Variants in ANP32A observed in about 807,000 individuals in gnomAD.
ANP32A encodes the protein acidic nuclear phosphoprotein 32 family member A.
Under a neutral mutation model 33.9 loss-of-function variants are expected in ANP32A, and 1 was observed. That is an observed-to-expected ratio of 0.03 (90% confidence interval 0.01 to 0.14). ANP32A has a LOEUF of 0.14. Among genes scored for constraint, ANP32A ranks in the 10% least tolerant of loss-of-function variants. ANP32A has a pLI of 1.00. For missense variants in ANP32A, 155 were observed against 306.0 expected (o/e 0.51, Z 3.68); for synonymous variants, 115 against 120.5 (o/e 0.95, Z 0.30).
In ANP32A at chr15:68,780,017, G is replaced by T. The variant is rs865921932; in HGVS notation, c.*64C>A. The T allele has an allele frequency of 1.0e-5, 15 of 1,436,408 alleles. No homozygotes were observed. Among genetic ancestry groups the T allele is most frequent in the Middle Eastern group, 4.0e-4 (2 of 5,020 alleles). 89.0% of individuals were successfully genotyped at this position (1,436,408 alleles called of 1,614,324 possible). A position where few individuals can be genotyped will look rare whatever the true frequency, so the allele number is the denominator to read the frequency against. On this transcript the variant is annotated 3_prime_UTR_variant, in exon 7 of 7. Coordinates refer to ENST00000465139, the MANE Select transcript of ANP32A (RefSeq NM_006305.4). This position sits in a 1 kb window ranked among gnomAD's most constrained non-coding sequence, Gnocchi z 4.3. Reference sequence around the variant, plus strand: ...AGGGGGCAGGATTGGAGGGGGGGGGGAGAGGGGATATGGGTAAAAACAGTC... The same window carrying T: ...AGGGGGCAGGATTGGAGGGGGGGGGTAGAGGGGATATGGGTAAAAACAGTC...
chr15:68,819,486 C>T (rs1434190199), intron 1 of ANP32A, among the ~76,000 whole-genome samples: 4 of 152,262 alleles, frequency 2.6e-5, no homozygotes, highest in Non-Finnish European at 5.9e-5. Flanking sequence ...TCAATAACGG[C>T]GGCTAGCGGG....
At chr15:68,815,364 T>TC in intron 1 of ANP32A, among the ~76,000 whole-genome samples, 1 of 152,310 alleles carries the variant, frequency 6.6e-6, no homozygotes, top group Middle Eastern at 3.4e-3. Flanking sequence ...CTAACACATT[T>TC]CCACAATTCT....
chr15:68,812,770 G>A (rs12916746), intron 1 of ANP32A, among the ~76,000 whole-genome samples: 139,552 of 152,040 alleles, frequency 0.92, 64,818 homozygotes, highest in Non-Finnish European at 0.98. Flanking sequence ...GCATGGTGTC[G>A]GTTTTTCACA....
chr15:68,805,192 A>G (rs996398960), intron 1 of ANP32A, among the ~76,000 whole-genome samples: 5 of 152,352 alleles, frequency 3.3e-5, no homozygotes, highest in South Asian at 2.1e-4. Context: ...TGGAATCCAG[A>G]AAGTACAAAT....
intron 1 of ANP32A, among the ~76,000 whole-genome samples, chr15:68,806,742 C>T (rs552932120): frequency 5.9e-5 from 9 of 152,344 alleles, no homozygotes; most frequent in Admixed American, 5.2e-4. Context: ...TCTTCAGAGA[C>T]CACAACCAGG....
chr15:68,783,048 C>T lies in ANP32A; in HGVS notation c.532G>A (p.Glu178Lys). 2.6e-6 allele frequency: 4 copies of T among 1,551,796 alleles called. No homozygotes were observed. The highest frequency in any genetic ancestry group is 3.5e-6 in the Non-Finnish European group (4 of 1,147,034). ...DDEEEDEDEE[E>K]YDEDAQVVED... ...ACTACCTGAGCATCTTCATCATACT[C>T]CTCCTCTGTGCAATCGAAATGGGGA... Residue 178 changes from glutamate to lysine, a missense_variant, in exon 5 of 7, where the codon GAG becomes AAG. Glu to Lys is a moderately conservative substitution (Grantham distance 56). Around this residue, in one of 4 missense-constraint regions of ANP32A, gnomAD observed 85 missense variants for 183.8 expected, o/e 0.46. Coordinates refer to ENST00000465139, the MANE Select transcript of ANP32A (RefSeq NM_006305.4).
rs886429858 is a variant in ANP32A at position 68,784,311 on chromosome 15, C to T, written c.526+86G>A. On this transcript the variant is annotated intron_variant, in intron 4 of 6. Transcript: ENST00000465139. ...AGCTGGGTGGGGGCCTCCCAACACC[C>T]AGCCCACCCACCTCTGCAAAGCCAA... 2.2e-5 allele frequency: 33 copies of T among 1,484,418 alleles called. No homozygotes were observed. The African/African-American group carries it at 4.5e-4, about 20-fold the overall frequency. The allele number at this position is 1,484,418 out of a possible 1,614,324, so 92.0% of individuals were successfully genotyped here. A position where few individuals can be genotyped will look rare whatever the true frequency, so the allele number is the denominator to read the frequency against.
In ANP32A at chr15:68,784,349, A is replaced by G. The variant is rs551039162; in HGVS notation, c.526+48T>C. ...TCTGCAAAGCCAAGGACGAGCCCCA[A>G]GGCCTCAGCTGGGCCCCTGCAGCCC... On this transcript the variant is annotated intron_variant, in intron 4 of 6. Coordinates refer to ENST00000465139, the MANE Select transcript of ANP32A (RefSeq NM_006305.4). 3.6e-5 allele frequency: 58 copies of G among 1,594,410 alleles called. No homozygotes were observed. In the Admixed American group the frequency reaches 8.8e-4, roughly 24 times the overall value.
Position 68,779,749 on chromosome 15 carries a change from A to G in ANP32A, c.*332T>C, listed in dbSNP as rs984385917. 4.2e-6 allele frequency: 1 copy of G among 238,494 alleles called. No individual in the cohort carries two copies. Among genetic ancestry groups the G allele is most frequent in the African/African-American group, 2.3e-5 (1 of 44,150 alleles). The allele number at this position is 238,494 out of a possible 1,614,324, so 14.8% of individuals were successfully genotyped here. ...GACTTGGGAAATACCAGGAAACGTA[A>G]GAGAACTCCAAACCATCCTCTTTGA... On this transcript the variant is annotated 3_prime_UTR_variant, in exon 7 of 7. Coordinates refer to ENST00000465139, the MANE Select transcript of ANP32A (RefSeq NM_006305.4).
At chr15:68,817,704 G>C (rs969727560) in intron 1 of ANP32A, 5 of 152,238 alleles carry the variant, frequency 3.3e-5, no homozygotes, top group African/African-American at 1.2e-4. Context: ...TTTGCACAGA[G>C]GATCGTCGTC....
Position 68,804,434 on chromosome 15 carries a change from A to G in ANP32A, c.54+16264T>C, listed in dbSNP as rs114554970. ...AGCATTTCTGTATAGATTAAAGAAT[A>G]AATATGGTGCCTGGCACATTGGCAT... On this transcript the variant is annotated intron_variant, in intron 1 of 6. Transcript: ENST00000465139. 7.6e-3 allele frequency among the ~76,000 whole-genome samples: 1,164 copies of G among 152,346 alleles called. 24 individuals are homozygous for G. The highest frequency in any genetic ancestry group is 0.027 in the African/African-American group (1,108 of 41,568).
chr15:68,790,437 A>ATC (rs1491557102), intron 1 of ANP32A: 1 of 152,186 alleles, frequency 6.6e-6, no homozygotes. Flanking sequence ...ACAGATAGAC[A>ATC]TAGGTTTCGG....
intron 1 of ANP32A, among the ~76,000 whole-genome samples, chr15:68,801,209 A>T (rs1894130623): frequency 8.0e-6 from 1 of 125,680 alleles, no homozygotes; most frequent in South Asian, 3.2e-4. Context: ...CCTTAAAGGA[A>T]GAAGAAGAAG....
At position 68,784,458 on chromosome 15, in the gene ANP32A, G is replaced by A. The variant is rs1379902226; in HGVS notation, c.465C>T (p.Ala155=). The part of the protein sequence containing the change: ...LDGYDRDDKE[A]PDSDAEGYVE... ...CGTAGCCCTCAGCATCCGAGTCAGG[G>A]GCCTCCTTGTCGTCCCGGTCATAGC... The change falls in exon 4 of 7, where the codon GCC becomes GCT. Residue 155 remains alanine, a synonymous_variant. Coordinates refer to ENST00000465139, the MANE Select transcript of ANP32A (RefSeq NM_006305.4). 6.2e-7 allele frequency: 1 copy of A among 1,614,050 alleles called. No homozygotes were observed. The highest frequency in any genetic ancestry group is 1.7e-5 in the Admixed American group (1 of 60,004).
Position 68,780,773 on chromosome 15 carries a change from CT to C in ANP32A, c.625-301del. On this transcript the variant is annotated intron_variant, in intron 5 of 6. Transcript: ENST00000465139. This position sits in a 1 kb window ranked among gnomAD's most constrained non-coding sequence, Gnocchi z 4.3. ...CAGGACCCAGGTTAAGAACTCTGAT[CT>C]GAAGTCCCTGTAAGGCAGGCAGCTC... The C allele has an allele frequency of 3.2e-6, 1 of 311,746 alleles. No homozygotes were observed. The highest frequency in any genetic ancestry group is 4.7e-5 in the Admixed American group (1 of 21,142). 19.3% of individuals were successfully genotyped at this position (311,746 alleles called of 1,614,324 possible).
intron 3 of ANP32A, among the ~76,000 whole-genome samples, chr15:68,786,007 G>A (rs75960637): frequency 0.033 from 5,035 of 152,254 alleles, 125 homozygotes; most frequent in African/African-American, 0.066. Flanking sequence ...GCCATCGATG[G>A]ACAGGTAAAG....
chr15:68,786,959 C>T (rs901229266), intron 3 of ANP32A, among the ~76,000 whole-genome samples: 11 of 152,190 alleles, frequency 7.2e-5, no homozygotes, highest in Non-Finnish European at 1.6e-4. Context: ...GGTTCTATGT[C>T]AGGACTGACT....
At chr15:68,787,725 T>TGG in intron 2 of ANP32A, 45 bp downstream of exon 2, 12 of 1,597,608 alleles carry the variant, frequency 7.5e-6, no homozygotes, top group Non-Finnish European at 1.0e-5. Flanking sequence ...CCCTTCCCAC[T>TGG]CCCCACCCCC....
chr15:68,820,025 T>C (rs992019649), intron 1 of ANP32A, among the ~76,000 whole-genome samples: 14 of 151,966 alleles, frequency 9.2e-5, no homozygotes, highest in Non-Finnish European at 1.6e-4. Context: ...GGCTCCCCCG[T>C]CTCTCGCCTC....
Sources: gnomAD v4.1 joint callset for allele counts (sites outside exome capture counted in the v4.1 genomes callset) on GRCh38, gnomAD v4.1.1 for gene constraint, gnomAD v4.1.1 regional missense constraint, Gnocchi (gnomAD v3.1) non-coding constraint, MANE v1.5 for transcripts, NCBI Gene and HGNC (gene_info 2026-07-23, HGNC 2026-07-21) for gene names.